RBFOX1: variants seen among roughly 807,000 people sequenced by gnomAD.
The protein encoded by RBFOX1 is RNA binding protein fox-1 homolog 1.
In RBFOX1, 8 loss-of-function variants were observed where a neutral mutation model predicts 57.7. That is an observed-to-expected ratio of 0.14 (90% CI 0.08 to 0.25). The LOEUF (loss-of-function observed/expected upper bound fraction) is 0.25. Among genes scored for constraint, RBFOX1 ranks in the 10% least tolerant of loss-of-function variants. RBFOX1 has a pLI of 1.00. For missense variants in RBFOX1, 611 were observed against 548.5 expected (o/e 1.11, Z -1.14); for synonymous variants, 326 against 222.4 (o/e 1.47, Z -4.15).
At chr16:7,198,042 G>T (rs1428222287) in intron 4 of RBFOX1, among the ~76,000 whole-genome samples, 4 of 106,636 alleles carry the variant, frequency 3.8e-5, no homozygotes, top group African/African-American at 1.5e-4. Flanking sequence ...GTCTTGCTCT[G>T]TCGCCCAGGC....
intron 1 of RBFOX1, among the ~76,000 whole-genome samples, chr16:6,271,175 G>T (rs765238840): frequency 4.6e-5 from 7 of 152,178 alleles, no homozygotes; most frequent in Non-Finnish European, 7.3e-5. Flanking sequence ...TGCAATCCCA[G>T]CACTTTGGGA....
intron 4 of RBFOX1, among the ~76,000 whole-genome samples, chr16:7,197,554 C>A (rs2087045301): frequency 2.0e-5 from 3 of 151,552 alleles, no homozygotes; most frequent in African/African-American, 7.3e-5. Context: ...TACCACATTA[C>A]CAAGCAATTC....
intron 3 of RBFOX1, among the ~76,000 whole-genome samples, chr16:6,733,750 C>A (rs1325141227): frequency 4.0e-5 from 6 of 151,226 alleles, no homozygotes; most frequent in Admixed American, 3.3e-4. Context: ...AGAGCGAGAC[C>A]CTGCCTTAAA....
chr16:5,291,539 C>G (rs370098248), intron 1 of RBFOX1, among the ~76,000 whole-genome samples: 3 of 152,178 alleles, frequency 2.0e-5, no homozygotes, highest in Non-Finnish European at 4.4e-5. Flanking sequence ...GCTGGGATTA[C>G]AGGCATGTGT....
intron 4 of RBFOX1, among the ~76,000 whole-genome samples, chr16:7,470,644 A>T (rs2061394651): frequency 6.6e-6 from 1 of 152,070 alleles, no homozygotes. Flanking sequence ...GAGTGAGTGG[A>T]TAGACGGATG....
At chr16:5,929,020 C>T (rs1403696160) in intron 4 of RBFOX1, among the ~76,000 whole-genome samples, 2 of 141,738 alleles carry the variant, frequency 1.4e-5, no homozygotes, top group African/African-American at 5.4e-5. Context: ...GTGTTTAAAG[C>T]TTCTTTCCAA....
At chr16:5,706,429 C>A (rs920427206) in intron 3 of RBFOX1, among the ~76,000 whole-genome samples, 1 of 152,200 alleles carries the variant, frequency 6.6e-6, no homozygotes, top group African/African-American at 2.4e-5. Context: ...AACCTGCCCT[C>A]TTATTTCCCT....
At chr16:7,407,472 A>T (rs921448171) in intron 4 of RBFOX1, among the ~76,000 whole-genome samples, 1 of 152,096 alleles carries the variant, frequency 6.6e-6, no homozygotes, top group Non-Finnish European at 1.5e-5. Context: ...ATTCTCAGAC[A>T]GGTATGATTA....
At chr16:7,363,249 T>C (rs1256132356) in intron 4 of RBFOX1, among the ~76,000 whole-genome samples, 1 of 152,164 alleles carries the variant, frequency 6.6e-6, no homozygotes, top group Non-Finnish European at 1.5e-5. Context: ...GTTGTGTTAC[T>C]GGGCGGGGGG....
chr16:7,403,278 C>A (rs1411696865), intron 4 of RBFOX1, among the ~76,000 whole-genome samples: 1 of 152,052 alleles, frequency 6.6e-6, no homozygotes, highest in Non-Finnish European at 1.5e-5. Context: ...TTCAAGTATA[C>A]AATACAGTAT....
intron 1 of RBFOX1, among the ~76,000 whole-genome samples, chr16:5,320,759 C>T (rs1368725396): frequency 3.3e-5 from 5 of 152,140 alleles, no homozygotes; most frequent in African/African-American, 9.7e-5. Flanking sequence ...CCCTTGATAT[C>T]GGGACCACAA....
chr16:5,744,318 C>T (rs1284770066), intron 3 of RBFOX1, among the ~76,000 whole-genome samples: 4 of 152,298 alleles, frequency 2.6e-5, no homozygotes, highest in African/African-American at 4.8e-5. Context: ...CCTTTGCTGT[C>T]GCTCTGACTG....
chr16:5,963,431 C>A (rs2059788228), intron 4 of RBFOX1, among the ~76,000 whole-genome samples: 1 of 152,164 alleles, frequency 6.6e-6, no homozygotes, highest in African/African-American at 2.4e-5. Context: ...TGGCAAGGAA[C>A]AACAGATGTT....
intron 2 of RBFOX1, among the ~76,000 whole-genome samples, chr16:5,598,366 C>T (rs919501935): frequency 1.3e-5 from 2 of 152,152 alleles, no homozygotes; most frequent in Non-Finnish European, 2.9e-5. Flanking sequence ...TGAGAAACAT[C>T]CGGACCAGCA....
intron 3 of RBFOX1, among the ~76,000 whole-genome samples, chr16:6,922,349 C>T (rs781230601): frequency 2.4e-4 from 36 of 152,172 alleles, no homozygotes; most frequent in Non-Finnish European, 4.7e-4. Context: ...GTTTCGCATG[C>T]TGCAGCCCCT....
chr16:6,959,702 T>C (rs1039586473), intron 3 of RBFOX1, among the ~76,000 whole-genome samples: 4 of 152,034 alleles, frequency 2.6e-5, no homozygotes, highest in African/African-American at 9.7e-5. Flanking sequence ...TTGGGGAGGC[T>C]GAGGTAGGCG....
intron 3 of RBFOX1, among the ~76,000 whole-genome samples, chr16:6,732,063 C>G (rs868049209): frequency 6.6e-6 from 1 of 152,150 alleles, no homozygotes; most frequent in African/African-American, 2.4e-5. Flanking sequence ...GGCTTGAGAT[C>G]TATCCCTCTT....
intron 4 of RBFOX1, among the ~76,000 whole-genome samples, chr16:5,995,390 C>A (rs1038014390): frequency 6.6e-6 from 1 of 152,102 alleles, no homozygotes; most frequent in African/African-American, 2.4e-5. Flanking sequence ...GATTGCCCGC[C>A]ATGAATTTTA....
intron 2 of RBFOX1, among the ~76,000 whole-genome samples, chr16:6,345,077 C>T (rs2085165683): frequency 6.6e-6 from 1 of 152,142 alleles, no homozygotes; most frequent in Admixed American, 6.5e-5. Flanking sequence ...TTTGGAAGAG[C>T]AAGACACTAG....
Sources: allele counts gnomAD v4.1 joint callset (sites outside exome capture counted in the v4.1 genomes callset), GRCh38; gene constraint gnomAD v4.1.1; transcripts MANE v1.5; gene names NCBI Gene and HGNC (gene_info 2026-07-23, HGNC 2026-07-21).